Variants in NECAB1 observed in about 807,000 individuals in gnomAD.
NECAB1 encodes the protein N-terminal EF-hand calcium binding protein 1.
NECAB1 carries 29 observed loss-of-function variants against 57.5 expected under a neutral mutation model. The ratio of observed to expected loss-of-function variants is 0.50; its 90% CI spans 0.38 to 0.69. The LOEUF (loss-of-function observed/expected upper bound fraction) is 0.69, where lower values mean the gene tolerates loss of function less well. NECAB1 is among the 30% of genes least tolerant of loss of function. NECAB1 has a pLI of 0.00. For missense variants in NECAB1, 372 were observed against 413.8 expected, an observed-to-expected ratio of 0.90 and a Z score of 0.88; for synonymous variants, 142 against 147.7, an observed-to-expected ratio of 0.96 and a Z score of 0.28.
intron 3 of NECAB1, among the ~76,000 whole-genome samples, chr8:90,860,470 T>G (rs1357385179): frequency 6.6e-6 from 1 of 152,180 alleles, no homozygotes; most frequent in Non-Finnish European, 1.5e-5. Flanking sequence ...ATTTATCAGC[T>G]AAATAACAAT....
intron 3 of NECAB1, among the ~76,000 whole-genome samples, chr8:90,841,381 G>T (rs1812453013): frequency 6.6e-6 from 1 of 152,156 alleles, no homozygotes; most frequent in Non-Finnish European, 1.5e-5. Context: ...TTCTGAAGAG[G>T]CTTAGAAATG....
chr8:90,926,810 A>G (rs1810283139), intron 7 of NECAB1, among the ~76,000 whole-genome samples: 1 of 152,202 alleles, frequency 6.6e-6, no homozygotes, highest in Non-Finnish European at 1.5e-5. Flanking sequence ...CCATTGGCCA[A>G]ACAAATCACA....
At chr8:90,940,035 G>T (rs1021076179) in intron 9 of NECAB1, among the ~76,000 whole-genome samples, 6 of 152,222 alleles carry the variant, frequency 3.9e-5, no homozygotes, top group Admixed American at 6.5e-5. Context: ...AAGAACTAAT[G>T]TTGATATCTA....
intron 11 of NECAB1, among the ~76,000 whole-genome samples, 152 bp from the exon 12 acceptor site, chr8:90,950,961 A>G (rs1014569680): frequency 5.9e-5 from 9 of 152,178 alleles, no homozygotes; most frequent in African/African-American, 2.2e-4. Context: ...CATTTTTGAA[A>G]GCTGAACAAC....
intron 1 of NECAB1, among the ~76,000 whole-genome samples, chr8:90,799,848 A>G (rs1162262752): frequency 2.0e-5 from 3 of 152,190 alleles, no homozygotes; most frequent in East Asian, 3.8e-4. Context: ...AAAAAATGAC[A>G]TTGGTAGTTT....
intron 2 of NECAB1, among the ~76,000 whole-genome samples, chr8:90,817,342 C>T (rs952772310): frequency 1.3e-5 from 2 of 151,484 alleles, no homozygotes; most frequent in Non-Finnish European, 1.5e-5. Context: ...GGTAGGACTT[C>T]CTATATATTA....
intron 3 of NECAB1, among the ~76,000 whole-genome samples, chr8:90,851,200 CT>C (rs2129776840): frequency 6.6e-6 from 1 of 152,354 alleles, no homozygotes; most frequent in South Asian, 2.1e-4. Context: ...AATACCTTGT[CT>C]TGGGCATCTA....
In NECAB1 at chr8:90,957,648, T is replaced by G. The variant is rs1270278044; in HGVS notation, c.*2136T>G. 1 of 129,152 alleles carries G rather than the reference T, an allele frequency of 7.7e-6. No homozygotes were observed. Among genetic ancestry groups the G allele is most frequent in the Non-Finnish European group, 1.6e-5 (1 of 60,964 alleles). The allele number at this position is 129,152 out of a possible 1,614,324, so 8.0% of individuals were successfully genotyped here. A position where few individuals can be genotyped will look rare whatever the true frequency, so the allele number is the denominator to read the frequency against. Reference sequence around the variant, plus strand: ...ACATACACATATATACTGGAACCTATAGTAGAAAAGGAAACTAGTAGGGCC... The same window carrying G: ...ACATACACATATATACTGGAACCTAGAGTAGAAAAGGAAACTAGTAGGGCC... On this transcript the variant is annotated 3_prime_UTR_variant, in exon 13 of 13. Transcript: ENST00000417640.
At chr8:90,942,738 T>TG (rs1469522498) in intron 10 of NECAB1, among the ~76,000 whole-genome samples, 1 of 152,072 alleles carries the variant, frequency 6.6e-6, no homozygotes, top group East Asian at 1.9e-4. Context: ...AAAAATTAGC[T>TG]GGGCATGGTA....
intron 6 of NECAB1, among the ~76,000 whole-genome samples, chr8:90,921,829 T>G (rs920029072): frequency 6.6e-6 from 1 of 152,154 alleles, no homozygotes; most frequent in Non-Finnish European, 1.5e-5. Context: ...TATAGCAAAT[T>G]TAGGGAAGTC....
intron 10 of NECAB1, among the ~76,000 whole-genome samples, chr8:90,945,692 A>G (rs1268982886): frequency 6.6e-6 from 1 of 152,166 alleles, no homozygotes; most frequent in African/African-American, 2.4e-5. Flanking sequence ...CAGTTTCCTC[A>G]TTTAAAATCT....
chr8:90,904,606 GAAGTT>G (rs1809590674), intron 5 of NECAB1, among the ~76,000 whole-genome samples: 1 of 151,894 alleles, frequency 6.6e-6, no homozygotes, highest in Admixed American at 6.6e-5. Context: ...AAATAGAAAA[GAAGTT>G]AAGAGACCTA....
At chr8:90,831,652 T>C (rs1398004007) in intron 3 of NECAB1, among the ~76,000 whole-genome samples, 2 of 152,108 alleles carry the variant, frequency 1.3e-5, no homozygotes, top group Non-Finnish European at 2.9e-5. Context: ...TCTGATTGTT[T>C]CCATTCCCAG....
intron 5 of NECAB1, among the ~76,000 whole-genome samples, chr8:90,893,102 G>A (rs1215444643): frequency 6.6e-6 from 1 of 152,050 alleles, no homozygotes; most frequent in Non-Finnish European, 1.5e-5. Context: ...GCCCTCCCTA[G>A]GTCCTTCCTC....
At chr8:90,908,645 A>C (rs1725345568) in intron 5 of NECAB1, among the ~76,000 whole-genome samples, 1 of 152,100 alleles carries the variant, frequency 6.6e-6, no homozygotes, top group African/African-American at 2.4e-5. Flanking sequence ...TTTATTGTAA[A>C]ACAAAACAAA....
rs1586156970 is a variant in NECAB1, at chr8:90,957,226, T to C, written c.*1714T>C. On this transcript the variant is annotated 3_prime_UTR_variant, in exon 13 of 13. Coordinates refer to ENST00000417640, the MANE Select transcript of NECAB1 (RefSeq NM_022351.5). Reference sequence around the variant, plus strand: ...CCTAAATGACTTTTGACATACAAACTCTTCTTGAGAATGTTTGTTGTAAAT... The same window carrying C: ...CCTAAATGACTTTTGACATACAAACCCTTCTTGAGAATGTTTGTTGTAAAT... 1 of 151,936 alleles carries C rather than the reference T, an allele frequency of 6.6e-6. No individual in the cohort carries two copies. The highest frequency in any genetic ancestry group is 1.5e-5 in the Non-Finnish European group (1 of 67,912). 9.4% of individuals were successfully genotyped at this position (151,936 alleles called of 1,614,324 possible).
chr8:90,799,871 A>C (rs771584539), intron 1 of NECAB1, among the ~76,000 whole-genome samples: 1 of 152,216 alleles, frequency 6.6e-6, no homozygotes, highest in Non-Finnish European at 1.5e-5. Context: ...TAGGAATAGT[A>C]TTGAATGTAT....
intron 5 of NECAB1, among the ~76,000 whole-genome samples, chr8:90,889,783 G>A (rs944885741): frequency 6.6e-6 from 1 of 152,184 alleles, no homozygotes; most frequent in Non-Finnish European, 1.5e-5. Flanking sequence ...GGTGGCTCAC[G>A]CCTGTAATCC....
chr8:90,951,987 G>A (rs1422083414), intron 12 of NECAB1, among the ~76,000 whole-genome samples: 1 of 152,190 alleles, frequency 6.6e-6, no homozygotes, highest in East Asian at 1.9e-4. Context: ...CTTTATAGGT[G>A]CAAAGGTGTC....
Sources: allele counts gnomAD v4.1 joint callset (sites outside exome capture counted in the v4.1 genomes callset), GRCh38; gene constraint gnomAD v4.1.1; transcripts MANE v1.5; gene names NCBI Gene and HGNC (gene_info 2026-07-23, HGNC 2026-07-21).